TMC6: variants seen among roughly 807,000 people sequenced by gnomAD.
The protein encoded by TMC6 is transmembrane channel like 6, also known as transmembrane channel-like protein 6.
Under a neutral mutation model 95.4 loss-of-function variants are expected in TMC6, and 71 were observed. The observed-to-expected ratio is 0.74, with a 90% CI of 0.61 to 0.91. The LOEUF (loss-of-function observed/expected upper bound fraction) is 0.91, where lower values mean the gene tolerates loss of function less well. Among genes scored for constraint, TMC6 ranks in the 40% least tolerant of loss-of-function variants. The pLI, the probability that TMC6 is intolerant of heterozygous loss-of-function variation, is 0.00. For missense variants in TMC6, 1,074 were observed against 1,079.1 expected, an observed-to-expected ratio of 1.00 and a Z score of 0.07; for synonymous variants, 514 against 483.1, an observed-to-expected ratio of 1.06 and a Z score of -0.84.
In TMC6 at chr17:78,126,565, T is replaced by C; in HGVS notation, c.140A>G (p.Gln47Arg). The change falls in exon 3 of 20, where the codon CAG (glutamine) becomes CGG (arginine). Residue 47 changes from glutamine (Q) to arginine (R), a missense_variant. Coordinates refer to ENST00000590602, the MANE Select transcript of TMC6 (RefSeq NM_001127198.5). ...LIQEQSQCTA[Q>R]EGLELQQRER... ...TCTCTGCTGCAGCTCCAGCCCCTCC[T>C]GGGCCGTGCACTGGCTCTGCTCCTG... The C allele has an allele frequency of 1.2e-6, 2 of 1,613,740 alleles. No individual in the cohort carries two copies. Among genetic ancestry groups the C allele is most frequent in the Non-Finnish European group, 1.7e-6 (2 of 1,179,972 alleles).
Position 78,121,483 on chromosome 17 carries a change from C to T in TMC6, c.1383+73G>A. On this transcript the variant is annotated intron_variant, in intron 11 of 19. Coordinates refer to ENST00000590602, the MANE Select transcript of TMC6 (RefSeq NM_001127198.5). This position sits in a 1 kb window ranked among gnomAD's most constrained non-coding sequence, Gnocchi z 5.6. ...TGGAGGAGGAGAGGCAAGGCTGCCTCCCCAGGGGGCAGGTGCCCAGAGTCA... is the reference window on the plus strand; with the variant it reads ...TGGAGGAGGAGAGGCAAGGCTGCCTTCCCAGGGGGCAGGTGCCCAGAGTCA... 1 of 1,603,680 alleles carries T rather than the reference C, an allele frequency of 6.2e-7. No individual in the cohort carries two copies. The highest frequency in any genetic ancestry group is 8.5e-7 in the Non-Finnish European group (1 of 1,176,758).
rs577701974 is a variant in TMC6, at chr17:78,112,976, T to C, written c.*172A>G. On this transcript the variant is annotated 3_prime_UTR_variant, in exon 20 of 20. Transcript: ENST00000590602. ...AGAGTCCCAGGCAGGGCAGAGTTCA[T>C]TGGGGATGCCCAAGCCGGATTCACC... The C allele has an allele frequency of 1.1e-4, 77 of 702,530 alleles. No homozygotes were observed. The highest frequency in any genetic ancestry group is 1.5e-4 in the Non-Finnish European group (61 of 408,122). The allele number at this position is 702,530 out of a possible 1,614,324, so 43.5% of individuals were successfully genotyped here.
At chr17:78,113,525 C>G in intron 19 of TMC6, 23 bp downstream of exon 19, 8 of 1,613,174 alleles carry the variant, frequency 5.0e-6, no homozygotes, top group Non-Finnish European at 6.8e-6. Context: ...CAGAGTGTCC[C>G]CAATCCCTCC....
intron 13 of TMC6, 110 bp downstream of exon 13, chr17:78,120,543 G>A (rs2074360597): frequency 6.8e-7 from 1 of 1,479,538 alleles, no homozygotes; most frequent in African/African-American, 1.4e-5. Context: ...CTGAAGGGTG[G>A]AGACACAGGG....
upstream of TMC6, chr17:78,132,404 TCCTGCTGCTACTCAA>T: frequency 6.2e-7 from 1 of 1,613,044 alleles, no homozygotes; most frequent in South Asian, 1.1e-5. Context: ...TTCCTCCGCT[TCCTGCTGCTACTCAA>T]CCTGCTGAGC....
Position 78,120,920 on chromosome 17 carries a change from C to T in TMC6, c.1536-88G>A, listed in dbSNP as rs111907805. On this transcript the variant is annotated intron_variant, in intron 12 of 19. Coordinates refer to ENST00000590602, the MANE Select transcript of TMC6 (RefSeq NM_001127198.5). The stretch of plus-strand genomic sequence containing the variant: ...GCCCCCACCAGGGGCTTGGTCACAC[C>T]GGCCTCATCCTAAGTAGGTTTGGAT... 1.3e-3 allele frequency: 2,126 copies of T among 1,611,776 alleles called. 27 individuals are homozygous for T. In the African/African-American group the frequency reaches 0.023, roughly 18 times the overall value.
chr17:78,119,016 G>A lies in TMC6; in HGVS notation c.1842C>T (p.Pro614=), dbSNP rs150820026. ...GCAGCAGCTTGATGATCTGCACGGC[G>A]GGGAGGAGGGGCGAGAAGAGCACCC... is the stretch of plus-strand genomic sequence containing the variant. ...WLGVLFSPLL[P]AVQIIKLLLV... The change falls in exon 15 of 20, where the codon CCC becomes CCT. Residue 614 remains proline, a synonymous_variant. Transcript: ENST00000590602. 1.2e-4 allele frequency: 191 copies of A among 1,603,258 alleles called. 3 individuals are homozygous for A. In the African/African-American group the frequency reaches 1.7e-3, roughly 14 times the overall value.
At chr17:78,125,294 C>G in intron 5 of TMC6, 31 bp from the exon 6 acceptor site, 1 of 1,539,348 alleles carries the variant, frequency 6.5e-7, no homozygotes, top group Non-Finnish European at 8.8e-7. Context: ...TCCTGCCCAT[C>G]CCCAAGTGCC....
Position 78,128,303 on chromosome 17 carries a change from T to A in TMC6, c.-75+309A>T, listed in dbSNP as rs2145477113. Among the ~76,000 whole-genome samples the A allele has an allele frequency of 6.6e-6, 1 of 151,996 alleles. No individual in the cohort carries two copies. The highest frequency in any genetic ancestry group is 2.4e-5 in the African/African-American group (1 of 41,446). On this transcript the variant is annotated intron_variant, in intron 1 of 19. Transcript: ENST00000590602. The surrounding 1 kb of genome is among the most constrained non-coding windows in gnomAD (Gnocchi z 4.0). ...ACCGAACCCGTCCAGCCGGCCTCCC[T>A]GTCCCCCGCCCCTTCCCATCCCGGC...
In TMC6 at chr17:78,121,446, G is replaced by A. The variant is rs914604808; in HGVS notation, c.1383+110C>T. The A allele has an allele frequency of 1.2e-5, 19 of 1,555,174 alleles. No individual in the cohort carries two copies. In the South Asian group the frequency reaches 2.0e-4, roughly 16 times the overall value. On this transcript the variant is annotated intron_variant, in intron 11 of 19. Transcript: ENST00000590602. The surrounding 1 kb of genome is among the most constrained non-coding windows in gnomAD (Gnocchi z 5.6). ...CGGGGCACAGCGTACGTGGCACCCT[G>A]GGCTGGCTGGGTGGAGGAGGAGAGG...
Position 78,125,812 on chromosome 17 carries a change from G to A in TMC6, c.344C>T (p.Pro115Leu). The A allele has an allele frequency of 6.4e-7, 1 of 1,557,456 alleles. No homozygotes were observed. The highest frequency in any genetic ancestry group is 8.7e-7 in the Non-Finnish European group (1 of 1,150,734). ...TVQLRCRSSR[P>L]LLGNFVRSAW... ...GGAGCGGACAAAGTTCCCGAGCAGG[G>A]GCCGGCTGCTCCTGCACCGAAGCTG... Residue 115 changes from proline (P) to leucine (L), a missense_variant, in exon 5 of 20, where the codon CCC (proline) becomes CTC (leucine). By Grantham distance (98) the Pro-to-Leu change is moderately conservative. Coordinates refer to ENST00000590602, the MANE Select transcript of TMC6 (RefSeq NM_001127198.5).
At chr17:78,118,936 C>A in intron 15 of TMC6, 35 bp downstream of exon 15, 1 of 1,567,410 alleles carries the variant, frequency 6.4e-7, no homozygotes, top group Non-Finnish European at 8.6e-7. Context: ...GGCCACCCTG[C>A]CAGCCCAGCC....
Position 78,117,658 on chromosome 17 carries a change from C to A in TMC6, c.2022-14G>T. ...GAGGGCTTCACCCTGGGGAAGATGC[C>A]GACCAGGAACCCTCACCCCGAGCAA... is the stretch of plus-strand genomic sequence containing the variant. On this transcript the variant is annotated splice_polypyrimidine_tract_variant and intron_variant, in intron 16 of 19. Transcript: ENST00000590602. 1 of 1,560,834 alleles carries A rather than the reference C, an allele frequency of 6.4e-7. No homozygotes were observed. The highest frequency in any genetic ancestry group is 8.7e-7 in the Non-Finnish European group (1 of 1,153,136).
rs759497226 is a variant in TMC6, at chr17:78,121,002, C to T, written c.1535+11G>A. 15 of 1,613,278 alleles carry T rather than the reference C, an allele frequency of 9.3e-6. No individual in the cohort carries two copies. The highest frequency in any genetic ancestry group is 4.4e-5 in the South Asian group (4 of 91,090). ...CAGCACCAAATGATGTTTTCATGTG[C>T]GGCCACACACCTGCAGATGGCCACG... On this transcript the variant is annotated intron_variant, in intron 12 of 19. Coordinates refer to ENST00000590602, the MANE Select transcript of TMC6 (RefSeq NM_001127198.5). The surrounding 1 kb of genome is among the most constrained non-coding windows in gnomAD (Gnocchi z 5.6).
At chr17:78,130,835 G>A (rs1319853758), upstream of TMC6, 3 of 152,900 alleles carry the variant, frequency 2.0e-5, no homozygotes, top group Non-Finnish European at 4.4e-5. Context: ...CCAGGGACTT[G>A]GTCCCTAGGT....
chr17:78,130,271 A>G (rs1598889754), upstream of TMC6, among the ~76,000 whole-genome samples: 1 of 152,112 alleles, frequency 6.6e-6, no homozygotes, highest in Non-Finnish European at 1.5e-5. Context: ...GTATCTGGAA[A>G]CCCAGCAGCC....
chr17:78,127,842 T>G (rs2074808193), intron 1 of TMC6, among the ~76,000 whole-genome samples: 2 of 152,312 alleles, frequency 1.3e-5, no homozygotes, highest in Non-Finnish European at 2.9e-5. Flanking sequence ...CCTCCCTCAG[T>G]GTCCTGGGTG....
At chr17:78,131,607 G>A (rs1448315757), upstream of TMC6, 1 of 1,548,220 alleles carries the variant, frequency 6.5e-7, no homozygotes, top group Non-Finnish European at 8.7e-7. Context: ...GCCGCGGTCG[G>A]TGTCATCGGA....
At chr17:78,131,490 A>C, upstream of TMC6, 2 of 1,486,754 alleles carry the variant, frequency 1.3e-6, no homozygotes, top group East Asian at 4.9e-5. Context: ...CCCAGCGTGC[A>C]CAGAGGCCAT....
Sources: allele counts gnomAD v4.1 joint callset (sites outside exome capture counted in the v4.1 genomes callset), GRCh38; gene constraint gnomAD v4.1.1; non-coding constraint Gnocchi (gnomAD v3.1); transcripts MANE v1.5; gene names NCBI Gene and HGNC (gene_info 2026-07-23, HGNC 2026-07-21).